The following GPR155 variants were observed in gnomAD, a reference collection of about 807,000 sequenced individuals.
GPR155 encodes G protein-coupled receptor 155, also known as lysosomal cholesterol signaling protein.
Under a neutral mutation model 93.1 loss-of-function variants are expected in GPR155, and 65 were observed. The ratio of observed to expected loss-of-function variants is 0.70; its 90% CI spans 0.57 to 0.86. GPR155 has a LOEUF of 0.86. GPR155 is among the 40% of genes least tolerant of loss of function. The probability of loss-of-function intolerance (pLI) is 0.00; values close to 1 mark genes in which losing one functional copy is unlikely to be tolerated. For synonymous variants in GPR155, 319 were observed against 360.1 expected (o/e 0.89, Z 1.29); for missense variants, 838 against 1,034.8 (o/e 0.81, Z 2.61).
intron 15 of GPR155, among the ~76,000 whole-genome samples, chr2:174,437,639 A>G (rs1258578508): frequency 6.9e-6 from 1 of 143,960 alleles, no homozygotes; most frequent in African/African-American, 2.6e-5. Context: ...CTGGAGTGCA[A>G]TGGCACGATC....
chr2:174,484,024 A>G (rs553779990), intron 1 of GPR155, among the ~76,000 whole-genome samples: 1 of 152,372 alleles, frequency 6.6e-6, no homozygotes, highest in South Asian at 2.1e-4. Flanking sequence ...CACATTAAAA[A>G]GACTTAGATG....
At chr2:174,486,332 G>A (rs1004320703) in intron 1 of GPR155, among the ~76,000 whole-genome samples, 3 of 152,116 alleles carry the variant, frequency 2.0e-5, no homozygotes, top group Non-Finnish European at 4.4e-5. Context: ...GAGAGCAGCT[G>A]CCAGCCAACC....
At chr2:174,454,501 T>TA (rs1481385429) in intron 10 of GPR155, among the ~76,000 whole-genome samples, 1 of 151,990 alleles carries the variant, frequency 6.6e-6, no homozygotes, top group Non-Finnish European at 1.5e-5. Flanking sequence ...AAAAGCTTTT[T>TA]AAAAAATAGC....
rs191356983 is a variant in GPR155, at chr2:174,437,734, G to A, written c.2313-1318C>T. ...CGAGTAGATGGGATTACAGGCATGCGCCACCACACCTGGCTAATTTTGTGT... is the reference window on the plus strand; with the variant it reads ...CGAGTAGATGGGATTACAGGCATGCACCACCACACCTGGCTAATTTTGTGT... On this transcript the variant is annotated intron_variant, in intron 15 of 15. Transcript: ENST00000392552. 6.9e-3 allele frequency among the ~76,000 whole-genome samples: 1,048 copies of A among 151,752 alleles called. 15 individuals are homozygous for A. Among genetic ancestry groups the A allele is most frequent in the African/African-American group, 0.022 (923 of 41,422 alleles).
intron 11 of GPR155, among the ~76,000 whole-genome samples, chr2:174,446,993 T>A (rs1374363136): frequency 6.6e-6 from 1 of 152,126 alleles, no homozygotes; most frequent in Non-Finnish European, 1.5e-5. Flanking sequence ...CAACAATGTT[T>A]TATATATATA....
intron 15 of GPR155, among the ~76,000 whole-genome samples, chr2:174,437,178 C>T (rs1244416537): frequency 2.0e-5 from 3 of 152,108 alleles, no homozygotes; most frequent in East Asian, 1.9e-4. Flanking sequence ...TCCAATTACA[C>T]GAGTGCTGTA....
chr2:174,481,561 G>C lies in GPR155; in HGVS notation c.396C>G (p.Ser132Arg). Residue 132 changes from serine to arginine, a missense_variant, in exon 2 of 16, where the codon AGC becomes AGG. Around this residue, in one of 3 missense-constraint regions of GPR155, gnomAD observed 663 missense variants for 790.1 expected, o/e 0.84. Coordinates refer to ENST00000392552, the MANE Select transcript of GPR155 (RefSeq NM_152529.7). ...CAAAAATAGGGAATAGTCCAGCTTT[G>C]CTAAATCGACTATCAGGACTGGCAA... Reference protein sequence around the residue: ...LLVASPDSRFSKAGLFPIFAT... With the variant: ...LLVASPDSRFRKAGLFPIFAT... The C allele has an allele frequency of 6.2e-7, 1 of 1,613,216 alleles. No individual in the cohort carries two copies.
At position 174,460,101 on chromosome 2, in the gene GPR155, A is replaced by G. The variant is rs770989053; in HGVS notation, c.1561-13T>C. On this transcript the variant is annotated splice_polypyrimidine_tract_variant and intron_variant, in intron 9 of 15. Transcript: ENST00000392552. The stretch of plus-strand genomic sequence containing the variant: ...CTGTGGTGATCATCTGCCGACATGA[A>G]AAAAAGATATCAGGCCACTTTTCAC... 1.9e-6 allele frequency: 3 copies of G among 1,603,274 alleles called. No individual in the cohort carries two copies. In the South Asian group the frequency reaches 3.3e-5, roughly 18 times the overall value.
chr2:174,446,319 AAT>A (rs1232594203), intron 12 of GPR155, among the ~76,000 whole-genome samples: 2 of 1,514 alleles, frequency 1.3e-3, no homozygotes, highest in African/African-American at 3.1e-3. Flanking sequence ...AAAAAAAAAA[AAT>A]AAAAAATAAA....
intron 1 of GPR155, among the ~76,000 whole-genome samples, chr2:174,483,890 T>C (rs948924511): frequency 6.6e-6 from 1 of 152,172 alleles, no homozygotes; most frequent in African/African-American, 2.4e-5. Context: ...CAGCCAACAA[T>C]AGCCAATTTC....
chr2:174,437,321 A>G lies in GPR155; in HGVS notation c.2313-905T>C, dbSNP rs567735833. Among the ~76,000 whole-genome samples the G allele has an allele frequency of 2.6e-5, 4 of 152,302 alleles. No homozygotes were observed. In the South Asian group the frequency reaches 6.2e-4, roughly 24 times the overall value. On this transcript the variant is annotated intron_variant, in intron 15 of 15. Transcript: ENST00000392552. ...AAGGTGAAAGGAGAAATAGGTGACAAAAATTTAAAAACATTTCACCATAAA... is the reference window on the plus strand; with the variant it reads ...AAGGTGAAAGGAGAAATAGGTGACAGAAATTTAAAAACATTTCACCATAAA...
chr2:174,452,717 C>T (rs985579387), intron 11 of GPR155, among the ~76,000 whole-genome samples: 4 of 152,104 alleles, frequency 2.6e-5, no homozygotes, highest in Admixed American at 2.0e-4. Context: ...GTGATCTTGG[C>T]TCACTGCAAC....
intron 8 of GPR155, 44 bp downstream of exon 8, chr2:174,461,544 G>T: frequency 6.5e-7 from 1 of 1,546,902 alleles, no homozygotes; most frequent in Non-Finnish European, 8.9e-7. Context: ...AATAGTAACT[G>T]TCTATATGGA....
chr2:174,473,391 AATG>A lies in GPR155; in HGVS notation c.461-30_461-28del, dbSNP rs761958796. The stretch of plus-strand genomic sequence containing the variant: ...TGCAAAACAAGAATATTGATTTTTA[AATG>A]ATGACCACAGAAATACAGATATATG... On this transcript the variant is annotated intron_variant, in intron 2 of 15. Transcript: ENST00000392552. The A allele has an allele frequency of 3.7e-5, 52 of 1,401,292 alleles. No individual in the cohort carries two copies. The Admixed American group carries it at 1.1e-3, about 29-fold the overall frequency. 86.8% of individuals were successfully genotyped at this position (1,401,292 alleles called of 1,614,324 possible).
rs777632258 is a variant in GPR155, at chr2:174,453,842, C to A, written c.1772-1G>T. 1 of 1,597,304 alleles carries A rather than the reference C, an allele frequency of 6.3e-7. No homozygotes were observed. Among genetic ancestry groups the A allele is most frequent in the South Asian group, 1.1e-5 (1 of 90,752 alleles). On this transcript the variant is annotated splice_acceptor_variant, in intron 10 of 15. Coordinates refer to ENST00000392552, the MANE Select transcript of GPR155 (RefSeq NM_152529.7). LOFTEE classifies it high-confidence loss of function. The stretch of plus-strand genomic sequence containing the variant: ...TTTCCCATGGAGCAGGAGCAGCAAC[C>A]TATATCAATCAAATAGTATGTGAGA...
intron 9 of GPR155, among the ~76,000 whole-genome samples, chr2:174,460,735 C>T (rs751669542): frequency 6.6e-6 from 1 of 152,110 alleles, no homozygotes; most frequent in Admixed American, 6.5e-5. Context: ...GTATAATTCA[C>T]GCATACTTCA....
At chr2:174,477,786 A>G (rs537153886) in intron 2 of GPR155, among the ~76,000 whole-genome samples, 22 of 152,334 alleles carry the variant, frequency 1.4e-4, no homozygotes, top group Middle Eastern at 6.8e-3. Flanking sequence ...ATTAATGCTT[A>G]TAAATAAGGC....
intron 1 of GPR155, among the ~76,000 whole-genome samples, chr2:174,484,663 G>C (rs1688422272): frequency 6.6e-6 from 1 of 152,184 alleles, no homozygotes; most frequent in Non-Finnish European, 1.5e-5. Flanking sequence ...AGTCATAGCA[G>C]CTCACGCCTG....
Position 174,432,193 on chromosome 2 carries a change from T to G in GPR155, c.*3923A>C, listed in dbSNP as rs1351941618. On this transcript the variant is annotated 3_prime_UTR_variant, in exon 16 of 16. Transcript: ENST00000392552. ...GAATGTATAGAAAAGACCTCTATGA[T>G]GGCTTCTGCATTATTCAGATTACTC... The G allele has an allele frequency of 2.6e-5, 4 of 152,664 alleles. No individual in the cohort carries two copies. The highest frequency in any genetic ancestry group is 6.5e-5 in the Admixed American group (1 of 15,278). The allele number at this position is 152,664 out of a possible 1,614,324, so 9.5% of individuals were successfully genotyped here. A position where few individuals can be genotyped will look rare whatever the true frequency, so the allele number is the denominator to read the frequency against.
Sources: gnomAD v4.1 joint callset for allele counts (sites outside exome capture counted in the v4.1 genomes callset) on GRCh38, gnomAD v4.1.1 for gene constraint, gnomAD v4.1.1 regional missense constraint, MANE v1.5 for transcripts, NCBI Gene and HGNC (gene_info 2026-07-23, HGNC 2026-07-21) for gene names.